Variants in MTMR7 observed in about 807,000 individuals in gnomAD.
The protein encoded by MTMR7 is phosphatidylinositol-3-phosphate phosphatase MTMR7.
In MTMR7, 76 loss-of-function variants were observed where a neutral mutation model predicts 81.2. That is an observed-to-expected ratio of 0.94 (90% CI 0.78 to 1.13). The LOEUF (loss-of-function observed/expected upper bound fraction) is 1.13. MTMR7 is among the 50% of genes most tolerant of loss of function. MTMR7 has a pLI of 0.00. For synonymous variants in MTMR7, 372 were observed against 289.8 expected (o/e 1.28, Z -2.88); for missense variants, 1,044 against 820.0 (o/e 1.27, Z -3.34).
intron 1 of MTMR7, among the ~76,000 whole-genome samples, chr8:17,410,240 G>C (rs17124531): frequency 6.6e-6 from 1 of 152,120 alleles, no homozygotes; most frequent in Non-Finnish European, 1.5e-5. Flanking sequence ...AGGTTATCAC[G>C]TATTCTATTT....
intron 3 of MTMR7, among the ~76,000 whole-genome samples, chr8:17,362,499 G>C (rs557076299): frequency 1.3e-5 from 2 of 152,228 alleles, no homozygotes; most frequent in East Asian, 3.9e-4. Context: ...TTTTACCGAC[G>C]AGAAATCTGA....
chr8:17,402,220 C>T (rs578142884), intron 1 of MTMR7, among the ~76,000 whole-genome samples: 13 of 152,162 alleles, frequency 8.5e-5, no homozygotes, highest in African/African-American at 2.6e-4. Flanking sequence ...GCTCCTGAAA[C>T]GTTTATTCTT....
chr8:17,385,010 C>T (rs79847168), intron 1 of MTMR7, among the ~76,000 whole-genome samples: 2 of 152,172 alleles, frequency 1.3e-5, no homozygotes, highest in East Asian at 3.8e-4. Flanking sequence ...AGAAAAAATG[C>T]TGGTGGGATG....
chr8:17,385,914 A>G (rs1820924786), intron 1 of MTMR7, among the ~76,000 whole-genome samples: 1 of 152,232 alleles, frequency 6.6e-6, no homozygotes, highest in Non-Finnish European at 1.5e-5. Context: ...TATTTATACC[A>G]ATGTGAGAAT....
chr8:17,299,512 G>A lies in MTMR7; in HGVS notation c.*350C>T. ...GAATCATGATGATCACAGATGTGAG[G>A]GAAAGGAGTGGAGGCTTTTTGAGAG... On this transcript the variant is annotated 3_prime_UTR_variant, in exon 14 of 14. Coordinates refer to ENST00000180173, the MANE Select transcript of MTMR7 (RefSeq NM_004686.5). The A allele has an allele frequency of 5.0e-6, 1 of 200,126 alleles. No homozygotes were observed. The highest frequency in any genetic ancestry group is 1.1e-4 in the South Asian group (1 of 8,936). 12.4% of individuals were successfully genotyped at this position (200,126 alleles called of 1,614,324 possible).
chr8:17,313,485 A>G, intron 7 of MTMR7, 84 bp from the exon 8 acceptor site: 3 of 862,074 alleles, frequency 3.5e-6, no homozygotes, highest in Non-Finnish European at 5.4e-6. Flanking sequence ...TAGTTTGTTA[A>G]TGATTCCTTT....
chr8:17,373,727 G>T (rs192158504), intron 1 of MTMR7, among the ~76,000 whole-genome samples: 1 of 151,998 alleles, frequency 6.6e-6, no homozygotes, highest in African/African-American at 2.4e-5. Context: ...ACATACATAC[G>T]GGAGAAAAAA....
At chr8:17,384,830 A>G (rs1186444471) in intron 1 of MTMR7, among the ~76,000 whole-genome samples, 1 of 152,262 alleles carries the variant, frequency 6.6e-6, no homozygotes, top group African/African-American at 2.4e-5. Context: ...GGAGTATTTA[A>G]TCTTTCTACA....
chr8:17,361,361 T>G (rs1273370023), intron 3 of MTMR7, 87 bp from the exon 4 acceptor site: 2 of 1,499,454 alleles, frequency 1.3e-6, no homozygotes, highest in Non-Finnish European at 9.2e-7. Flanking sequence ...CCACCTGGAG[T>G]GCCCAGAGAG....
intron 10 of MTMR7, among the ~76,000 whole-genome samples, chr8:17,308,192 C>A (rs1185623235): frequency 6.6e-6 from 1 of 151,892 alleles, no homozygotes; most frequent in Non-Finnish European, 1.5e-5. Context: ...AAAAGGTTGC[C>A]TAATATTAAC....
intron 1 of MTMR7, among the ~76,000 whole-genome samples, chr8:17,388,093 T>C (rs1373199972): frequency 1.3e-5 from 2 of 152,170 alleles, no homozygotes; most frequent in East Asian, 3.9e-4. Flanking sequence ...CAGGAGAAAT[T>C]ACAAACATTA....
chr8:17,338,311 T>G (rs1479486075), intron 6 of MTMR7, among the ~76,000 whole-genome samples: 2 of 152,214 alleles, frequency 1.3e-5, no homozygotes, highest in South Asian at 4.1e-4. Flanking sequence ...GGAATATGCC[T>G]GGCTCTACAG....
At position 17,374,399 on chromosome 8, in the gene MTMR7, G is replaced by A. The variant is rs200532575; in HGVS notation, c.25-1159C>T. ...GCACTTTGGGAGGCCGAGGCAGGTGGATCACGAGGTAAAGAGATCGAGACC... is the reference window on the plus strand; with the variant it reads ...GCACTTTGGGAGGCCGAGGCAGGTGAATCACGAGGTAAAGAGATCGAGACC... On this transcript the variant is annotated intron_variant, in intron 1 of 13. Coordinates refer to ENST00000180173, the MANE Select transcript of MTMR7 (RefSeq NM_004686.5). 5.3e-4 allele frequency among the ~76,000 whole-genome samples: 81 copies of A among 151,732 alleles called. No individual in the cohort carries two copies. The East Asian group carries it at 9.7e-3, about 18-fold the overall frequency.
At chr8:17,336,623 C>T (rs1275677700) in intron 6 of MTMR7, among the ~76,000 whole-genome samples, 3 of 152,208 alleles carry the variant, frequency 2.0e-5, no homozygotes, top group Non-Finnish European at 1.5e-5. Flanking sequence ...TAAAACCTCG[C>T]TGACCTGGTG....
At chr8:17,302,521 C>T (rs571906802) in intron 12 of MTMR7, 10 of 382,932 alleles carry the variant, frequency 2.6e-5, no homozygotes, top group Non-Finnish European at 4.6e-5. Context: ...TGAATTAGCA[C>T]AGAATACATT....
At chr8:17,332,155 C>G (rs1819033669) in intron 6 of MTMR7, among the ~76,000 whole-genome samples, 1 of 152,208 alleles carries the variant, frequency 6.6e-6, no homozygotes, top group Admixed American at 6.5e-5. Flanking sequence ...GACCATTCTC[C>G]TCCTCCACCC....
At chr8:17,322,501 G>C (rs543316705) in intron 7 of MTMR7, among the ~76,000 whole-genome samples, 1 of 152,148 alleles carries the variant, frequency 6.6e-6, no homozygotes, top group Non-Finnish European at 1.5e-5. Flanking sequence ...ATTAACTGCA[G>C]AGGTGTGTAA....
intron 1 of MTMR7, among the ~76,000 whole-genome samples, chr8:17,386,652 C>CGA (rs377164711): frequency 6.6e-6 from 1 of 151,730 alleles, no homozygotes; most frequent in African/African-American, 2.4e-5. Context: ...CATGATGGCT[C>CGA]CAGTTGCCCC....
rs1817657852 is a variant in MTMR7 at position 17,309,261 on chromosome 8, CTTAA to C, written c.1151+12_1151+15del. On this transcript the variant is annotated intron_variant, in intron 10 of 13. Coordinates refer to ENST00000180173, the MANE Select transcript of MTMR7 (RefSeq NM_004686.5). ...TTTTATTCTAAACATTCAAAACAGT[CTTAA>C]ATATTACTTACCGGTGATTAAACTT... 1 of 1,476,304 alleles carries C rather than the reference CTTAA, an allele frequency of 6.8e-7. No homozygotes were observed. Among genetic ancestry groups the C allele is most frequent in the South Asian group, 1.1e-5 (1 of 87,926 alleles). The allele number at this position is 1,476,304 out of a possible 1,614,324, so 91.5% of individuals were successfully genotyped here.
Sources: gnomAD v4.1 joint callset for allele counts (sites outside exome capture counted in the v4.1 genomes callset) on GRCh38, gnomAD v4.1.1 for gene constraint, MANE v1.5 for transcripts, NCBI Gene and HGNC (gene_info 2026-07-23, HGNC 2026-07-21) for gene names.